Variants in KIAA1217 observed in about 807,000 individuals in gnomAD.
KIAA1217 encodes KIAA1217.
A neutral mutation model predicts 163.9 loss-of-function variants in KIAA1217; 88 were observed. The observed-to-expected ratio is 0.54, with a 90% CI of 0.45 to 0.64. The LOEUF (loss-of-function observed/expected upper bound fraction) is 0.64. Among genes scored for constraint, KIAA1217 ranks in the 30% least tolerant of loss-of-function variants. The probability of loss-of-function intolerance (pLI) is 0.00; values close to 1 mark genes in which losing one functional copy is unlikely to be tolerated. For synonymous variants in KIAA1217, 903 were observed against 923.1 expected, an observed-to-expected ratio of 0.98 and a Z score of 0.39; for missense variants, 2,372 against 2,475.0, an observed-to-expected ratio of 0.96 and a Z score of 0.88.
intron 13 of KIAA1217, among the ~76,000 whole-genome samples, chr10:24,526,388 T>C (rs772913625): frequency 1.3e-5 from 2 of 152,110 alleles, no homozygotes; most frequent in African/African-American, 2.4e-5. Flanking sequence ...TCCCAGTACC[T>C]AGTAGGGCAG....
intron 1 of KIAA1217, among the ~76,000 whole-genome samples, chr10:23,868,969 A>G (rs1174476061): frequency 6.6e-6 from 1 of 152,136 alleles, no homozygotes; most frequent in African/African-American, 2.4e-5. Flanking sequence ...TGCTGCAGGC[A>G]GTCTTGTCAT....
chr10:23,950,637 G>A (rs371662376), intron 1 of KIAA1217, among the ~76,000 whole-genome samples: 1 of 152,144 alleles, frequency 6.6e-6, no homozygotes, highest in African/African-American at 2.4e-5. Flanking sequence ...AGTTGGAGAT[G>A]TATAGGTAAA....
intron 2 of KIAA1217, among the ~76,000 whole-genome samples, chr10:24,325,530 TA>T (rs1329400605): frequency 6.6e-6 from 1 of 152,198 alleles, no homozygotes; most frequent in Non-Finnish European, 1.5e-5. Flanking sequence ...CTCAGATAGT[TA>T]AGGCAGCTCT....
chr10:24,333,197 G>C (rs948464832), intron 2 of KIAA1217, among the ~76,000 whole-genome samples: 2 of 152,088 alleles, frequency 1.3e-5, no homozygotes, highest in African/African-American at 4.8e-5. Flanking sequence ...GCTAATTTTT[G>C]TATTTTTAGT....
At chr10:23,811,505 A>G (rs74693926) in intron 1 of KIAA1217, among the ~76,000 whole-genome samples, 37 of 152,050 alleles carry the variant, frequency 2.4e-4, no homozygotes, top group African/African-American at 8.9e-4. Context: ...ATTCTTAGTT[A>G]TAGGATTTTC....
At chr10:24,347,102 T>C (rs1002215937) in intron 2 of KIAA1217, among the ~76,000 whole-genome samples, 6 of 152,180 alleles carry the variant, frequency 3.9e-5, no homozygotes, top group African/African-American at 1.4e-4. Context: ...ACCTCATAGC[T>C]TCCTTACTTC....
chr10:23,953,418 A>G (rs934247744), intron 1 of KIAA1217, among the ~76,000 whole-genome samples: 1 of 152,254 alleles, frequency 6.6e-6, no homozygotes, highest in Non-Finnish European at 1.5e-5. Context: ...GGAAAAGTTC[A>G]TATAAAATAG....
At chr10:23,817,962 CATATATATATATATATATATATATAT>C (rs71397918) in intron 1 of KIAA1217, among the ~76,000 whole-genome samples, 26 of 54,256 alleles carry the variant, frequency 4.8e-4, no homozygotes, top group South Asian at 7.4e-4. Flanking sequence ...TGTGGTGGCA[CATATATATATATATATATATATATAT>C]ATATATATAT....
chr10:24,470,383 G>C (rs1370380953), intron 5 of KIAA1217, among the ~76,000 whole-genome samples: 1 of 152,212 alleles, frequency 6.6e-6, no homozygotes, highest in East Asian at 1.9e-4. Context: ...CTGAGCACCT[G>C]AGTCATGAGG....
At chr10:24,217,020 A>G (rs1020600209) in intron 1 of KIAA1217, among the ~76,000 whole-genome samples, 1 of 131,722 alleles carries the variant, frequency 7.6e-6, no homozygotes, top group African/African-American at 3.1e-5. Flanking sequence ...TGACAGAGCA[A>G]GACCTTGTCT....
intron 2 of KIAA1217, among the ~76,000 whole-genome samples, chr10:24,056,839 G>T (rs1242256848): frequency 6.6e-6 from 1 of 152,042 alleles, no homozygotes; most frequent in Non-Finnish European, 1.5e-5. Flanking sequence ...TGAAAGAACA[G>T]ATTCTAGAAA....
Position 24,212,833 on chromosome 10 carries a change from A to G in KIAA1217, c.70+3570A>G, listed in dbSNP as rs181560298. On this transcript the variant is annotated intron_variant, in intron 1 of 20. Coordinates refer to ENST00000376454, the MANE Select transcript of KIAA1217 (RefSeq NM_019590.5). Reference sequence around the variant, plus strand: ...ATTCACGTTTGCATTTCCAGCACCTAACAGAGCACTGGGCAACCTAACAGA... The same window carrying G: ...ATTCACGTTTGCATTTCCAGCACCTGACAGAGCACTGGGCAACCTAACAGA... Among the ~76,000 whole-genome samples, 178 of 152,326 alleles carry G rather than the reference A, an allele frequency of 1.2e-3. 7 individuals are homozygous for G. The highest frequency in any genetic ancestry group is 9.3e-3 in the Admixed American group (143 of 15,300).
chr10:24,431,503 C>T (rs1178870694), intron 3 of KIAA1217, among the ~76,000 whole-genome samples: 2 of 152,112 alleles, frequency 1.3e-5, no homozygotes, highest in Non-Finnish European at 1.5e-5. Flanking sequence ...GCTGGGGAGA[C>T]CACTCCCAAG....
intron 2 of KIAA1217, among the ~76,000 whole-genome samples, chr10:24,309,674 C>A (rs1224870204): frequency 6.6e-6 from 1 of 152,142 alleles, no homozygotes; most frequent in Non-Finnish European, 1.5e-5. Flanking sequence ...AGTGTGTGAT[C>A]CTGAGCCAAA....
At chr10:24,280,417 G>A (rs1200265781) in intron 2 of KIAA1217, among the ~76,000 whole-genome samples, 1 of 152,146 alleles carries the variant, frequency 6.6e-6, no homozygotes, top group Admixed American at 6.6e-5. Context: ...GTGCTATAAA[G>A]TAAAATGAAA....
chr10:24,226,635 C>T (rs1240985357), intron 2 of KIAA1217, among the ~76,000 whole-genome samples: 1 of 151,428 alleles, frequency 6.6e-6, no homozygotes, highest in African/African-American at 2.4e-5. Context: ...GAGCGAGACT[C>T]CATCTCAAAA....
chr10:24,016,338 C>T (rs1442600269), intron 2 of KIAA1217, among the ~76,000 whole-genome samples: 2 of 152,182 alleles, frequency 1.3e-5, no homozygotes, highest in East Asian at 3.9e-4. Context: ...AGCCTGGCTT[C>T]CTAGGGGTCA....
intron 2 of KIAA1217, among the ~76,000 whole-genome samples, chr10:24,283,023 G>A (rs769316576): frequency 2.1e-4 from 32 of 151,400 alleles, no homozygotes; most frequent in Non-Finnish European, 4.3e-4. Context: ...AGTAGAGACG[G>A]GGTTTCTCCA....
intron 2 of KIAA1217, among the ~76,000 whole-genome samples, chr10:24,128,750 A>G (rs1437507863): frequency 6.6e-6 from 1 of 152,238 alleles, no homozygotes; most frequent in Admixed American, 6.5e-5. Flanking sequence ...CTGCAAGTTC[A>G]TAGTTTATCA....
Sources: gnomAD v4.1 joint callset for allele counts (sites outside exome capture counted in the v4.1 genomes callset) on GRCh38, gnomAD v4.1.1 for gene constraint, MANE v1.5 for transcripts, NCBI Gene and HGNC (gene_info 2026-07-23, HGNC 2026-07-21) for gene names.